The following UNC13B variants were observed in gnomAD, a reference collection of about 807,000 sequenced individuals.
UNC13B encodes unc-13 homolog B, also known as protein unc-13 homolog B.
Under a neutral mutation model 211.0 loss-of-function variants are expected in UNC13B, and 144 were observed. The observed-to-expected ratio is 0.68, with a 90% CI of 0.60 to 0.78. The LOEUF (loss-of-function observed/expected upper bound fraction) is 0.78, where lower values mean the gene tolerates loss of function less well. Among genes scored for constraint, UNC13B ranks in the 30% least tolerant of loss-of-function variants. The probability of loss-of-function intolerance (pLI) is 0.00; values close to 1 mark genes in which losing one functional copy is unlikely to be tolerated. For synonymous variants in UNC13B, 709 were observed against 725.8 expected, an observed-to-expected ratio of 0.98 and a Z score of 0.37; for missense variants, 1,777 against 2,002.0, an observed-to-expected ratio of 0.89 and a Z score of 2.14.
chr9:35,393,862 C>T (rs1174722471), intron 26 of UNC13B, among the ~76,000 whole-genome samples: 1 of 151,966 alleles, frequency 6.6e-6, no homozygotes, highest in Non-Finnish European at 1.5e-5. Flanking sequence ...TGAGCCAATG[C>T]ATCCAGCTGA....
intron 1 of UNC13B, among the ~76,000 whole-genome samples, chr9:35,170,170 T>G (rs1469894723): frequency 6.6e-6 from 1 of 152,154 alleles, no homozygotes; most frequent in African/African-American, 2.4e-5. Context: ...CTGTTTTTTT[T>G]TTGTTTTGTT....
chr9:35,274,878 T>C (rs940546776), intron 7 of UNC13B, among the ~76,000 whole-genome samples: 3 of 152,266 alleles, frequency 2.0e-5, no homozygotes, highest in Middle Eastern at 3.4e-3. Context: ...GCTCCATAAC[T>C]TTCCCAATCA....
chr9:35,203,637 T>C (rs180976022), intron 1 of UNC13B, among the ~76,000 whole-genome samples: 25 of 152,192 alleles, frequency 1.6e-4, no homozygotes, highest in Admixed American at 1.4e-3. Context: ...AACTTGAAAG[T>C]GATGATTTAG....
At position 35,377,498 on chromosome 9, in the gene UNC13B, C is replaced by T. The variant is rs1166702636; in HGVS notation, c.9866C>T (p.Ala3289Val). ...RAAEKSCKHG[A>V]EDRTQNIIMA... ...GCAGAAAAGAGCTGTAAACATGGAG[C>T]TGAGGACCGGACCCAGAACATTATC... Residue 3289 changes from alanine to valine, a missense_variant, in exon 16 of 40, where the codon GCT (alanine) becomes GTT (valine). By Grantham distance (64) the Ala-to-Val change is moderately conservative. Transcript: ENST00000635942. 1.9e-6 allele frequency: 3 copies of T among 1,614,116 alleles called. No homozygotes were observed. The African/African-American group carries it at 4.0e-5, about 22-fold the overall frequency.
chr9:35,375,066 T>C, intron 13 of UNC13B, 61 bp from the exon 14 acceptor site: 1 of 1,581,402 alleles, frequency 6.3e-7, no homozygotes, highest in Non-Finnish European at 8.7e-7. Flanking sequence ...TGAAGCTCCC[T>C]CCCCCAGACT....
rs1835473480 is a variant in UNC13B, at chr9:35,390,633, C to A, written c.11227C>A (p.Pro3743Thr). The A allele has an allele frequency of 1.2e-6, 2 of 1,613,826 alleles. No individual in the cohort carries two copies. The highest frequency in any genetic ancestry group is 1.1e-5 in the South Asian group (1 of 90,968). The change falls in exon 26 of 40, where the codon CCT (proline) becomes ACT (threonine). Residue 3743 changes from proline to threonine, a missense_variant. Physicochemically the swap from Pro to Thr is conservative, Grantham distance 38. Coordinates refer to ENST00000635942, the MANE Select transcript of UNC13B (RefSeq NM_001371189.2). ...GTGGTTTCTTCTGTCATCCAGGTTT[C>A]CTCAGGAGTTGAATGTGGGAAAAGT... is the stretch of plus-strand genomic sequence containing the variant. ...NSYTPVLNQF[P>T]QELNVGKVSA...
chr9:35,266,380 G>A (rs1416756361), intron 7 of UNC13B, among the ~76,000 whole-genome samples: 8 of 152,124 alleles, frequency 5.3e-5, no homozygotes, highest in African/African-American at 1.9e-4. Flanking sequence ...CTGGGCTACT[G>A]CTCTAAAGAA....
intron 6 of UNC13B, among the ~76,000 whole-genome samples, chr9:35,251,699 C>T (rs1180227462): frequency 6.6e-6 from 1 of 152,018 alleles, no homozygotes; most frequent in Non-Finnish European, 1.5e-5. Context: ...CATTATCACA[C>T]TGAACTTAAT....
Position 35,403,976 on chromosome 9 carries a change from G to A in UNC13B, c.12966G>A (p.Val4322=), listed in dbSNP as rs753684116. ...TATCTCAGAGGAGCAATGACGAGGT[G>A]GCCCGAGAATTTGTGAAACTCAAAT... ...RILSQRSNDE[V]AREFVKLKSE... is the part of the protein sequence containing the mutation. Residue 4322 remains valine, a synonymous_variant, in exon 40 of 40, where the codon GTG becomes GTA. Transcript: ENST00000635942. 158 of 1,613,956 alleles carry A rather than the reference G, an allele frequency of 9.8e-5. No homozygotes were observed. The highest frequency in any genetic ancestry group is 1.3e-4 in the Non-Finnish European group (154 of 1,180,030).
rs753256739 is a variant in UNC13B at position 35,295,927 on chromosome 9, T to C, written c.758T>C (p.Ile253Thr). ...YDLDYPERRA[I>T]RYAQKYDTLD... ...CTTGATTATCCAGAGCGGCGGGCTA[T>C]CAGGTGGGTATTGAGCACAAAGTAC... The change falls in exon 8 of 40, where the codon ATC becomes ACC. Residue 253 changes from isoleucine to threonine, a missense_variant. Physicochemically the swap from Ile to Thr is moderately conservative, Grantham distance 89. Coordinates refer to ENST00000635942, the MANE Select transcript of UNC13B (RefSeq NM_001371189.2). 1.2e-6 allele frequency: 2 copies of C among 1,603,552 alleles called. No individual in the cohort carries two copies. Among genetic ancestry groups the C allele is most frequent in the Non-Finnish European group, 1.7e-6 (2 of 1,174,612 alleles).
At position 35,305,489 on chromosome 9, in the gene UNC13B, A is replaced by G; in HGVS notation, c.6085A>G (p.Asn2029Asp). ...GGAGCTAGCTAGCCAGGGTGCTGGG[A>G]ACTTTCCTGCTGCACCAATTTCCTC... ...PMELASQGAG[N>D]FPAAPISSKG... The change falls in exon 9 of 40, where the codon AAC becomes GAC. Residue 2029 changes from asparagine (N) to aspartate (D), a missense_variant. Coordinates refer to ENST00000635942, the MANE Select transcript of UNC13B (RefSeq NM_001371189.2). The G allele has an allele frequency of 2.5e-6, 1 of 398,986 alleles. No individual in the cohort carries two copies. Among genetic ancestry groups the G allele is most frequent in the Non-Finnish European group, 4.4e-6 (1 of 226,028 alleles). 24.7% of individuals were successfully genotyped at this position (398,986 alleles called of 1,614,324 possible).
intron 10 of UNC13B, among the ~76,000 whole-genome samples, chr9:35,311,790 C>A (rs73645459): frequency 6.6e-6 from 1 of 152,118 alleles, no homozygotes; most frequent in African/African-American, 2.4e-5. Flanking sequence ...ACCCCTCAGC[C>A]TCCTCAGGGC....
chr9:35,182,778 C>G (rs1822013750), intron 1 of UNC13B, among the ~76,000 whole-genome samples: 1 of 152,174 alleles, frequency 6.6e-6, no homozygotes, highest in Non-Finnish European at 1.5e-5. Context: ...TCAGAGAGCA[C>G]TGGGTTGGGG....
intron 11 of UNC13B, chr9:35,364,434 C>G (rs902786525): frequency 2.5e-6 from 3 of 1,217,582 alleles, no homozygotes; most frequent in Non-Finnish European, 3.4e-6. Context: ...GGACCTCTCC[C>G]TCTCTTCCAT....
intron 11 of UNC13B, among the ~76,000 whole-genome samples, chr9:35,333,819 G>A (rs759704454): frequency 2.6e-5 from 4 of 152,178 alleles, no homozygotes; most frequent in Non-Finnish European, 4.4e-5. Context: ...GAAGGCTGCC[G>A]TCTGACTTCA....
intron 11 of UNC13B, chr9:35,352,712 A>T: frequency 3.2e-6 from 4 of 1,232,148 alleles, no homozygotes; most frequent in Non-Finnish European, 4.0e-6. Context: ...GGATGAAATA[A>T]AAGGAGCATC....
chr9:35,332,368 A>G (rs1252998997), intron 11 of UNC13B, among the ~76,000 whole-genome samples: 1 of 152,110 alleles, frequency 6.6e-6, no homozygotes, highest in African/African-American at 2.4e-5. Context: ...CCAATGTTTA[A>G]AACTTCCCTC....
At chr9:35,212,113 C>T (rs936725796) in intron 1 of UNC13B, among the ~76,000 whole-genome samples, 10 of 152,208 alleles carry the variant, frequency 6.6e-5, no homozygotes, top group Admixed American at 4.6e-4. Flanking sequence ...CTAACATGTA[C>T]TAAGAAACCT....
At chr9:35,174,160 C>T (rs1821485864) in intron 1 of UNC13B, among the ~76,000 whole-genome samples, 1 of 151,794 alleles carries the variant, frequency 6.6e-6, no homozygotes. Flanking sequence ...TTTTTTGAGA[C>T]AGAATCTCAC....
Sources: allele counts gnomAD v4.1 joint callset (sites outside exome capture counted in the v4.1 genomes callset), GRCh38; gene constraint gnomAD v4.1.1; transcripts MANE v1.5; gene names NCBI Gene and HGNC (gene_info 2026-07-23, HGNC 2026-07-21).